Variants in CPNE4 observed in about 807,000 individuals in gnomAD.
CPNE4 encodes the protein copine-4.
A neutral mutation model predicts 67.9 loss-of-function variants in CPNE4; 25 were observed. The observed-to-expected ratio is 0.37, with a 90% confidence interval of 0.27 to 0.51. CPNE4 has a LOEUF of 0.51. CPNE4 is among the 20% of genes least tolerant of loss of function. The pLI is 0.93. For missense variants in CPNE4, 464 were observed against 690.8 expected, an observed-to-expected ratio of 0.67 and a Z score of 3.68; for synonymous variants, 242 against 244.9, an observed-to-expected ratio of 0.99 and a Z score of 0.11.
At chr3:131,869,253 G>C (rs2087093946) in intron 2 of CPNE4, among the ~76,000 whole-genome samples, 1 of 152,084 alleles carries the variant, frequency 6.6e-6, no homozygotes, top group South Asian at 2.1e-4. Flanking sequence ...GCTTCTCACT[G>C]TGCTGAGTGA....
intron 7 of CPNE4, among the ~76,000 whole-genome samples, chr3:131,653,529 A>G (rs372335347): frequency 6.8e-4 from 103 of 152,288 alleles, no homozygotes; most frequent in African/African-American, 2.5e-3. Flanking sequence ...GCAGAGTCCT[A>G]ATCCCAGAAA....
chr3:131,661,213 G>A (rs2080116192), intron 7 of CPNE4, among the ~76,000 whole-genome samples: 1 of 152,140 alleles, frequency 6.6e-6, no homozygotes, highest in African/African-American at 2.4e-5. Flanking sequence ...CCTGGTAAGT[G>A]CTCAGTAAAT....
At chr3:131,613,378 C>G (rs1939958139) in intron 7 of CPNE4, among the ~76,000 whole-genome samples, 3 of 152,146 alleles carry the variant, frequency 2.0e-5, no homozygotes, top group Admixed American at 2.0e-4. Context: ...CCAAAGTCTT[C>G]TGATGACTCA....
At chr3:131,831,158 T>C (rs2085353949) in intron 2 of CPNE4, among the ~76,000 whole-genome samples, 2 of 152,108 alleles carry the variant, frequency 1.3e-5, no homozygotes, top group Non-Finnish European at 2.9e-5. Context: ...CTTTTCTTTA[T>C]GGTGCAAGAA....
chr3:131,591,142 A>G (rs997741775), intron 7 of CPNE4, among the ~76,000 whole-genome samples: 1 of 152,184 alleles, frequency 6.6e-6, no homozygotes, highest in Non-Finnish European at 1.5e-5. Flanking sequence ...AAGGAGCAGA[A>G]GAAATCTTGC....
intron 2 of CPNE4, among the ~76,000 whole-genome samples, chr3:131,808,023 T>C (rs1019152548): frequency 1.3e-5 from 2 of 152,130 alleles, no homozygotes; most frequent in Non-Finnish European, 2.9e-5. Flanking sequence ...GAAGCCAGTG[T>C]TGAACTGAAA....
At chr3:131,679,420 T>C (rs1200154642) in intron 6 of CPNE4, among the ~76,000 whole-genome samples, 1 of 152,146 alleles carries the variant, frequency 6.6e-6, no homozygotes, top group African/African-American at 2.4e-5. Context: ...TTTGTCTCTC[T>C]ATCTCCTTCA....
intron 7 of CPNE4, 107 bp from the exon 8 acceptor site, chr3:131,587,689 G>C: frequency 1.3e-6 from 1 of 780,972 alleles, no homozygotes. Flanking sequence ...TGTTTGGTCT[G>C]GAACCAAAGC....
intron 15 of CPNE4, among the ~76,000 whole-genome samples, chr3:131,536,044 T>C (rs1188749808): frequency 2.0e-5 from 3 of 152,174 alleles, no homozygotes; most frequent in Admixed American, 6.6e-5. Flanking sequence ...TTGACCATCA[T>C]AGGCATAGTG....
At chr3:131,793,790 A>G (rs1490045775) in intron 2 of CPNE4, among the ~76,000 whole-genome samples, 1 of 152,192 alleles carries the variant, frequency 6.6e-6, no homozygotes, top group Non-Finnish European at 1.5e-5. Context: ...GTCAGAGAAG[A>G]GGGCAACAGA....
rs114972261 is a variant in CPNE4, at chr3:131,915,547, T to C, written c.-1-10103A>G. Among the ~76,000 whole-genome samples, 1,447 of 152,288 alleles carry C rather than the reference T, an allele frequency of 9.5e-3. 17 individuals are homozygous for C. Among genetic ancestry groups the C allele is most frequent in the African/African-American group, 0.032 (1,312 of 41,558 alleles). The stretch of plus-strand genomic sequence containing the variant: ...AAACCACATGAAACACAAAAGGCCA[T>C]GGTTTTCATGAATAATACAACAATA... On this transcript the variant is annotated intron_variant, in intron 1 of 15. Transcript: ENST00000429747.
At chr3:131,641,140 A>G (rs890882280) in intron 7 of CPNE4, among the ~76,000 whole-genome samples, 4 of 152,126 alleles carry the variant, frequency 2.6e-5, no homozygotes, top group Non-Finnish European at 4.4e-5. Flanking sequence ...CCAAGAGCAA[A>G]TGCAGCAAAA....
intron 7 of CPNE4, among the ~76,000 whole-genome samples, chr3:131,648,124 G>A (rs1254117918): frequency 1.3e-5 from 2 of 152,212 alleles, no homozygotes; most frequent in African/African-American, 4.8e-5. Flanking sequence ...TGGAATCACA[G>A]CATTTTCAGA....
intron 5 of CPNE4, among the ~76,000 whole-genome samples, chr3:131,689,261 C>G (rs1427336431): frequency 1.3e-5 from 2 of 152,056 alleles, no homozygotes; most frequent in Non-Finnish European, 2.9e-5. Context: ...ATTAGAGGAC[C>G]TGGTGAATGG....
chr3:131,744,493 A>T (rs2082437972), intron 2 of CPNE4, among the ~76,000 whole-genome samples: 1 of 152,180 alleles, frequency 6.6e-6, no homozygotes, highest in South Asian at 2.1e-4. Context: ...GCTATAGCAT[A>T]ATATCATACC....
At chr3:131,757,205 G>A (rs1030051980) in intron 2 of CPNE4, among the ~76,000 whole-genome samples, 2 of 152,192 alleles carry the variant, frequency 1.3e-5, no homozygotes, top group African/African-American at 2.4e-5. Flanking sequence ...TTGAAGGGCT[G>A]AGAAGAAGAC....
At chr3:131,822,285 C>T (rs1560398250) in intron 2 of CPNE4, among the ~76,000 whole-genome samples, 1 of 152,038 alleles carries the variant, frequency 6.6e-6, no homozygotes, top group Non-Finnish European at 1.5e-5. Context: ...GGTTCTTTGT[C>T]AAAAAATCCC....
At position 131,815,319 on chromosome 3, in the gene CPNE4, G is replaced by GA. The variant is rs933336235; in HGVS notation, c.180+89944dup. Among the ~76,000 whole-genome samples the GA allele has an allele frequency of 3.3e-5, 5 of 152,090 alleles. No individual in the cohort carries two copies. The East Asian group carries it at 7.7e-4, about 23-fold the overall frequency. On this transcript the variant is annotated intron_variant, in intron 2 of 15. Coordinates refer to ENST00000429747, the MANE Select transcript of CPNE4 (RefSeq NM_130808.3). ...AAATACTTTTTACTTGAGAAGATGGGAAAAAAAATTCTTTGGATAAGAATT... is the reference window on the plus strand; with the variant it reads ...AAATACTTTTTACTTGAGAAGATGGGAAAAAAAAATTCTTTGGATAAGAATT...
intron 1 of CPNE4, among the ~76,000 whole-genome samples, chr3:132,034,123 C>A (rs1359199897): frequency 1.3e-5 from 2 of 152,164 alleles, no homozygotes; most frequent in African/African-American, 4.8e-5. Flanking sequence ...CCAGGTCAAG[C>A]CATTGGAAGG....
Sources: gnomAD v4.1 joint callset for allele counts (sites outside exome capture counted in the v4.1 genomes callset) on GRCh38, gnomAD v4.1.1 for gene constraint, MANE v1.5 for transcripts, NCBI Gene and HGNC (gene_info 2026-07-23, HGNC 2026-07-21) for gene names.